MLLT1: variants seen among roughly 807,000 people sequenced by gnomAD.
MLLT1 encodes MLLT1 super elongation complex subunit, also known as protein ENL.
MLLT1 carries 11 observed loss-of-function variants against 55.1 expected under a neutral mutation model. The ratio of observed to expected loss-of-function variants is 0.20; its 90% CI spans 0.13 to 0.33. The LOEUF is 0.33. MLLT1 is among the 10% of genes least tolerant of loss of function. The pLI, the probability that MLLT1 is intolerant of heterozygous loss-of-function variation, is 1.00. For missense variants in MLLT1, 536 were observed against 760.6 expected (o/e 0.70, Z 3.47); for synonymous variants, 323 against 320.1 (o/e 1.01, Z -0.10).
Position 6,212,744 on chromosome 19 carries a change from G to T in MLLT1, c.*298C>A, listed in dbSNP as rs1262083695. 5 of 1,135,530 alleles carry T rather than the reference G, an allele frequency of 4.4e-6. No homozygotes were observed. The highest frequency in any genetic ancestry group is 5.5e-6 in the Non-Finnish European group (5 of 905,192). The allele number at this position is 1,135,530 out of a possible 1,614,324, so 70.3% of individuals were successfully genotyped here. ...GGGGCTGGTCCCAAGGCTGGGCGAG[G>T]GGCCCCCGGCCCTGTCTCTGCCCAG... On this transcript the variant is annotated 3_prime_UTR_variant, in exon 12 of 12. Coordinates refer to ENST00000252674, the MANE Select transcript of MLLT1 (RefSeq NM_005934.4).
chr19:6,258,178 C>A (rs1165146981), intron 3 of MLLT1, among the ~76,000 whole-genome samples: 1 of 152,170 alleles, frequency 6.6e-6, no homozygotes, highest in Non-Finnish European at 1.5e-5. Flanking sequence ...CAAACAAGTA[C>A]AAACACACAC....
At chr19:6,232,351 CTT>C (rs2091019671) in intron 3 of MLLT1, among the ~76,000 whole-genome samples, 1 of 152,190 alleles carries the variant, frequency 6.6e-6, no homozygotes, top group South Asian at 2.1e-4. Context: ...TGAGGAGTCT[CTT>C]CAACCAATGG....
chr19:6,262,165 G>A lies in MLLT1; in HGVS notation c.276+63C>T, dbSNP rs2091311054. 1.4e-5 allele frequency: 19 copies of A among 1,330,760 alleles called. No individual in the cohort carries two copies. The highest frequency in any genetic ancestry group is 3.4e-5 in the Admixed American group (2 of 59,082). 82.4% of individuals were successfully genotyped at this position (1,330,760 alleles called of 1,614,324 possible). On this transcript the variant is annotated intron_variant, in intron 3 of 11. Transcript: ENST00000252674. This position sits in a 1 kb window ranked among gnomAD's most constrained non-coding sequence, Gnocchi z 4.4. The stretch of plus-strand genomic sequence containing the variant: ...TCTCTGGCCTGTTTTGTGAACTGCC[G>A]TGGCACCCGGAGCAGGGGTCCCCAC...
intron 8 of MLLT1, among the ~76,000 whole-genome samples, chr19:6,216,108 C>A (rs1323356558): frequency 6.6e-6 from 1 of 152,158 alleles, no homozygotes; most frequent in Non-Finnish European, 1.5e-5. Flanking sequence ...CCTCCTGCAC[C>A]CCTCCCTGCC....
intron 1 of MLLT1, among the ~76,000 whole-genome samples, chr19:6,271,347 T>A (rs1342272200): frequency 1.3e-5 from 2 of 152,112 alleles, no homozygotes; most frequent in African/African-American, 4.8e-5. Context: ...CGGAGGCCCC[T>A]CTCCTTTCCC....
rs941045516 is a variant in MLLT1 at position 6,211,235 on chromosome 19, G to C, written c.*1807C>G. ...AGAAGAAAGGAAGCGCCCCATGGTG[G>C]AGTATTGTTGGCCGCCCTGGGAAGG... On this transcript the variant is annotated 3_prime_UTR_variant, in exon 12 of 12. Transcript: ENST00000252674. This position sits in a 1 kb window ranked among gnomAD's most constrained non-coding sequence, Gnocchi z 4.6. 3 of 232,644 alleles carry C rather than the reference G, an allele frequency of 1.3e-5. No individual in the cohort carries two copies. The highest frequency in any genetic ancestry group is 2.5e-5 in the Non-Finnish European group (3 of 117,780). 14.4% of individuals were successfully genotyped at this position (232,644 alleles called of 1,614,324 possible). A position where few individuals can be genotyped will look rare whatever the true frequency, so the allele number is the denominator to read the frequency against.
intron 1 of MLLT1, among the ~76,000 whole-genome samples, chr19:6,271,817 T>C (rs2091397175): frequency 1.3e-5 from 2 of 152,228 alleles, no homozygotes; most frequent in South Asian, 2.1e-4. Context: ...CACCCTCCCC[T>C]GACAGAGCCG....
rs368876620 is a variant in MLLT1 at position 6,275,924 on chromosome 19, C to T, written c.12+3849G>A. On this transcript the variant is annotated intron_variant, in intron 1 of 11. Coordinates refer to ENST00000252674, the MANE Select transcript of MLLT1 (RefSeq NM_005934.4). ...GCCCACAGACGTGTAGACAGTGTAC[C>T]GGCTATCTCCCACGTTCTCCAGGGG... Among the ~76,000 whole-genome samples, 34 of 152,298 alleles carry T rather than the reference C, an allele frequency of 2.2e-4. No individual in the cohort carries two copies. The East Asian group carries it at 2.9e-3, about 13-fold the overall frequency.
intron 4 of MLLT1, among the ~76,000 whole-genome samples, chr19:6,228,930 C>T (rs1600182642): frequency 6.6e-6 from 1 of 152,192 alleles, no homozygotes; most frequent in African/African-American, 2.4e-5. Flanking sequence ...CCAGCGCTCC[C>T]TCCTGACTGG....
At position 6,270,841 on chromosome 19, in the gene MLLT1, G is replaced by A. The variant is rs763150083; in HGVS notation, c.13-82C>T. 2.1e-4 allele frequency: 283 copies of A among 1,348,992 alleles called. No individual in the cohort carries two copies. The highest frequency in any genetic ancestry group is 8.2e-4 in the Admixed American group (36 of 43,716). 83.6% of individuals were successfully genotyped at this position (1,348,992 alleles called of 1,614,324 possible). A position where few individuals can be genotyped will look rare whatever the true frequency, so the allele number is the denominator to read the frequency against. ...GTCCCCTTACCCACAGAGAACTTTCGATAAAGACCCCCAGCAGTGCAATAC... is the reference window on the plus strand; with the variant it reads ...GTCCCCTTACCCACAGAGAACTTTCAATAAAGACCCCCAGCAGTGCAATAC... On this transcript the variant is annotated intron_variant, in intron 1 of 11. Transcript: ENST00000252674. The surrounding 1 kb of genome is among the most constrained non-coding windows in gnomAD (Gnocchi z 7.1).
At chr19:6,241,205 C>T (rs1315648947) in intron 3 of MLLT1, among the ~76,000 whole-genome samples, 1 of 152,184 alleles carries the variant, frequency 6.6e-6, no homozygotes, top group Admixed American at 6.5e-5. Context: ...TCTCTCTACC[C>T]TGAACTGAGG....
At chr19:6,272,585 C>T (rs2091404174) in intron 1 of MLLT1, among the ~76,000 whole-genome samples, 1 of 152,264 alleles carries the variant, frequency 6.6e-6, no homozygotes, top group Admixed American at 6.5e-5. Flanking sequence ...ATCCCATCCC[C>T]CGCTCCTGGG....
Position 6,212,088 on chromosome 19 carries a change from G to A in MLLT1, c.*954C>T, listed in dbSNP as rs114406449. The A allele has an allele frequency of 2.9e-3, 3,057 of 1,066,252 alleles. 70 individuals carry two copies. The African/African-American group carries it at 0.046, about 16-fold the overall frequency. 66.0% of individuals were successfully genotyped at this position (1,066,252 alleles called of 1,614,324 possible). A position where few individuals can be genotyped will look rare whatever the true frequency, so the allele number is the denominator to read the frequency against. ...TATTTTTTTCAAAGTTTGAAGACTT[G>A]AATGAAAGAGAGGAAGAGGAGCCTA... On this transcript the variant is annotated 3_prime_UTR_variant, in exon 12 of 12. Transcript: ENST00000252674.
In MLLT1 at chr19:6,222,243, C is replaced by A. The variant is rs553012013; in HGVS notation, c.988G>T (p.Ala330Ser). 45 of 1,613,126 alleles carry A rather than the reference C, an allele frequency of 2.8e-5. 1 individual carries two copies. The African/African-American group carries it at 5.6e-4, about 20-fold the overall frequency. Reference protein sequence around the residue: ...SSSSFSDKKPAKDKSSTRGEK... With the variant: ...SSSSFSDKKPSKDKSSTRGEK... ...CCTCTGGTGCTGCTCTTGTCCTTGG[C>A]CGGCTTCTTGTCCGAGAAGGAGGAG... is the stretch of plus-strand genomic sequence containing the variant. The change falls in exon 6 of 12, where the codon GCC becomes TCC. Residue 330 changes from alanine to serine, a missense_variant. By Grantham distance (99) the Ala-to-Ser change is moderately conservative (BLOSUM62 1). Around this residue, in one of 3 missense-constraint regions of MLLT1, gnomAD observed 449 missense variants for 489.0 expected, o/e 0.92. Coordinates refer to ENST00000252674, the MANE Select transcript of MLLT1 (RefSeq NM_005934.4). The surrounding 1 kb of genome is among the most constrained non-coding windows in gnomAD (Gnocchi z 4.1).
At position 6,211,712 on chromosome 19, in the gene MLLT1, C is replaced by G. The variant is rs535052424; in HGVS notation, c.*1330G>C. The G allele has an allele frequency of 9.4e-7, 1 of 1,064,608 alleles. No individual in the cohort carries two copies. Among genetic ancestry groups the G allele is most frequent in the South Asian group, 4.6e-5 (1 of 21,974 alleles). The allele number at this position is 1,064,608 out of a possible 1,614,324, so 65.9% of individuals were successfully genotyped here. ...GCGCCTCGAGTCAATGTCTGGGAAA[C>G]AGAGGCTAACCAGGCAGGCCTCCAG... On this transcript the variant is annotated 3_prime_UTR_variant, in exon 12 of 12. Transcript: ENST00000252674. The surrounding 1 kb of genome is among the most constrained non-coding windows in gnomAD (Gnocchi z 4.6).
intron 3 of MLLT1, among the ~76,000 whole-genome samples, chr19:6,258,433 T>C (rs1375998002): frequency 6.6e-6 from 1 of 152,142 alleles, no homozygotes; most frequent in Non-Finnish European, 1.5e-5. Context: ...CCAACACGCA[T>C]GTTCCCAGCA....
intron 2 of MLLT1, among the ~76,000 whole-genome samples, chr19:6,268,981 G>A (rs909707678): frequency 2.6e-5 from 4 of 152,218 alleles, no homozygotes; most frequent in African/African-American, 9.6e-5. Flanking sequence ...ATGGAAATCA[G>A]CGTCCGGGGC....
chr19:6,237,567 C>G (rs112870293), intron 3 of MLLT1, among the ~76,000 whole-genome samples: 1 of 148,502 alleles, frequency 6.7e-6, no homozygotes. Context: ...ACCATCCTGG[C>G]TAACACAGTG....
Position 6,265,057 on chromosome 19 carries a change from CAA to C in MLLT1, c.194-2749_194-2748del, listed in dbSNP as rs1206210263. On this transcript the variant is annotated intron_variant, in intron 2 of 11. Transcript: ENST00000252674. The stretch of plus-strand genomic sequence containing the variant: ...GAACAGCAAAAAAAAAACAAAAAAA[CAA>C]AAAAACAAAAAAAAACATGATGTCA... 3.0e-3 allele frequency among the ~76,000 whole-genome samples: 97 copies of C among 32,616 alleles called. 4 individuals are homozygous for C. Among genetic ancestry groups the C allele is most frequent in the Non-Finnish European group, 3.7e-3 (54 of 14,734 alleles). 21.4% of individuals were successfully genotyped at this position (32,616 alleles called of 152,430 possible). A position where few individuals can be genotyped will look rare whatever the true frequency, so the allele number is the denominator to read the frequency against.
Sources: gnomAD v4.1 joint callset for allele counts (sites outside exome capture counted in the v4.1 genomes callset) on GRCh38, gnomAD v4.1.1 for gene constraint, gnomAD v4.1.1 regional missense constraint, Gnocchi (gnomAD v3.1) non-coding constraint, MANE v1.5 for transcripts, NCBI Gene and HGNC (gene_info 2026-07-23, HGNC 2026-07-21) for gene names.